Variants in SMG9 observed in about 807,000 individuals in gnomAD.
SMG9 encodes SMG9 nonsense mediated mRNA decay factor, also known as nonsense-mediated mRNA decay factor SMG9.
In SMG9, 55 loss-of-function variants were observed where a neutral mutation model predicts 64.0. That is an observed-to-expected ratio of 0.86 (90% CI 0.69 to 1.08). SMG9 has a LOEUF of 1.08. Ranked by LOEUF, SMG9 falls within the 50% of genes least tolerant of loss-of-function variation. The probability of loss-of-function intolerance (pLI) is 0.00; values close to 1 mark genes in which losing one functional copy is unlikely to be tolerated. For missense variants in SMG9, 554 were observed against 681.3 expected, an observed-to-expected ratio of 0.81 and a Z score of 2.08; for synonymous variants, 244 against 254.8, an observed-to-expected ratio of 0.96 and a Z score of 0.41.
At chr19:43,753,958 C>T (rs1233259984) in intron 1 of SMG9, among the ~76,000 whole-genome samples, 2 of 151,204 alleles carry the variant, frequency 1.3e-5, no homozygotes, top group Non-Finnish European at 2.9e-5. Flanking sequence ...AAGCTGGGGA[C>T]TTCCAATGCT....
At chr19:43,747,927 G>C in intron 3 of SMG9, 30 bp from the exon 4 acceptor site, 3 of 1,614,068 alleles carry the variant, frequency 1.9e-6, no homozygotes, top group Non-Finnish European at 2.5e-6. Flanking sequence ...CCCATCAATG[G>C]GGGCAATCCC....
chr19:43,733,709 C>A lies in SMG9; in HGVS notation c.1127G>T (p.Arg376Leu), dbSNP rs778518965. Residue 376 changes from arginine to leucine, a missense_variant, in exon 11 of 14, where the codon CGA (arginine) becomes CTA (leucine). Coordinates refer to ENST00000270066, the MANE Select transcript of SMG9 (RefSeq NM_019108.4). ...CAGCTTCCGAGGACAGAAGTCCTCT[C>A]GGCGAGCTTTGTTCTGCAAGAAGAC... The part of the protein sequence containing the change: ...HLVFLQNKAR[R>L]EDFCPRKLRQ... 45 of 1,614,010 alleles carry A rather than the reference C, an allele frequency of 2.8e-5. 1 individual carries two copies. In the South Asian group the frequency reaches 4.0e-4, roughly 14 times the overall value.
chr19:43,752,931 CA>C (rs1555721913), intron 1 of SMG9, among the ~76,000 whole-genome samples: 1 of 123,120 alleles, frequency 8.1e-6, no homozygotes, highest in East Asian at 2.5e-4. Context: ...AACCCTGTCT[CA>C]AAAAAACAGT....
intron 6 of SMG9, among the ~76,000 whole-genome samples, chr19:43,741,351 T>A (rs1968841061): frequency 6.6e-6 from 1 of 152,036 alleles, no homozygotes; most frequent in African/African-American, 2.4e-5. Flanking sequence ...GGTGGCTTGT[T>A]GTACTAGGAC....
At chr19:43,736,238 A>G (rs1157279143) in intron 9 of SMG9, among the ~76,000 whole-genome samples, 1 of 152,238 alleles carries the variant, frequency 6.6e-6, no homozygotes, top group Non-Finnish European at 1.5e-5. Context: ...GAATCTACAC[A>G]ACATAATGCT....
rs911395626 is a variant in SMG9 at position 43,730,488 on chromosome 19, G to A, written c.*1108C>T. The A allele has an allele frequency of 6.6e-6, 1 of 152,120 alleles. No individual in the cohort carries two copies. The highest frequency in any genetic ancestry group is 2.4e-5 in the African/African-American group (1 of 41,430). The allele number at this position is 152,120 out of a possible 1,614,324, so 9.4% of individuals were successfully genotyped here. On this transcript the variant is annotated 3_prime_UTR_variant, in exon 14 of 14. Coordinates refer to ENST00000270066, the MANE Select transcript of SMG9 (RefSeq NM_019108.4). ...AACAGAAGGCACTGTCTGTACGGGT[G>A]AGGCATGGTATTTGGATTAAGGGTA...
chr19:43,752,466 AG>A (rs1318506539), intron 1 of SMG9, among the ~76,000 whole-genome samples: 9 of 152,398 alleles, frequency 5.9e-5, no homozygotes, highest in African/African-American at 1.9e-4. Flanking sequence ...TTTTGTAAAT[AG>A]AAAGTTTTAT....
rs992807011 is a variant in SMG9, at chr19:43,735,703, T to G, written c.996-1208A>C. Among the ~76,000 whole-genome samples, 67 of 151,834 alleles carry G rather than the reference T, an allele frequency of 4.4e-4. 2 individuals are homozygous for G. Among genetic ancestry groups the G allele is most frequent in the Non-Finnish European group, 1.5e-5 (1 of 67,994 alleles). ...TTTTAAAATAATTTTTTACAATAGG[T>G]TAAGAGTACATAAACCTGTTTTCTA... On this transcript the variant is annotated intron_variant, in intron 9 of 13. Coordinates refer to ENST00000270066, the MANE Select transcript of SMG9 (RefSeq NM_019108.4).
chr19:43,731,114 G>A lies in SMG9; in HGVS notation c.*482C>T, dbSNP rs1968467962. 3 of 986,866 alleles carry A rather than the reference G, an allele frequency of 3.0e-6. No individual in the cohort carries two copies. The highest frequency in any genetic ancestry group is 3.6e-6 in the Non-Finnish European group (3 of 830,964). 61.1% of individuals were successfully genotyped at this position (986,866 alleles called of 1,614,324 possible). ...CCAATTTGTCCTGCTTCCCAGAGCTGCATGGTGGGTAGAGGAGTAAGTGGA... is the reference window on the plus strand; with the variant it reads ...CCAATTTGTCCTGCTTCCCAGAGCTACATGGTGGGTAGAGGAGTAAGTGGA... On this transcript the variant is annotated 3_prime_UTR_variant, in exon 14 of 14. Coordinates refer to ENST00000270066, the MANE Select transcript of SMG9 (RefSeq NM_019108.4).
intron 6 of SMG9, among the ~76,000 whole-genome samples, chr19:43,743,444 C>T (rs986984667): frequency 2.6e-5 from 4 of 152,200 alleles, no homozygotes; most frequent in African/African-American, 9.6e-5. Context: ...ACTCTGAGAT[C>T]TGGTGCAAAC....
intron 2 of SMG9, chr19:43,748,740 T>C (rs1286147231): frequency 1.9e-6 from 1 of 520,182 alleles, no homozygotes; most frequent in African/African-American, 1.9e-5. Flanking sequence ...TCTGGTTCCT[T>C]GAGTAACCTC....
At chr19:43,752,005 G>C (rs1344698656) in intron 1 of SMG9, among the ~76,000 whole-genome samples, 1 of 152,136 alleles carries the variant, frequency 6.6e-6, no homozygotes, top group Non-Finnish European at 1.5e-5. Flanking sequence ...TTACAAACCA[G>C]CAATGTGATC....
intron 1 of SMG9, 136 bp downstream of exon 1, chr19:43,754,518 C>T (rs1969291929): frequency 6.6e-6 from 1 of 152,210 alleles, no homozygotes; most frequent in Non-Finnish European, 1.5e-5. Context: ...TTGACGGTCG[C>T]CGGCCCCCTA....
rs1968408382 is a variant in SMG9, at chr19:43,729,619, C to G, written c.*1977G>C. ...CTTTCTCTGGCCGTTGCCCCCACCACCTTTCCTACTCTGGCAAACCCCCAA... is the reference window on the plus strand; with the variant it reads ...CTTTCTCTGGCCGTTGCCCCCACCAGCTTTCCTACTCTGGCAAACCCCCAA... On this transcript the variant is annotated 3_prime_UTR_variant, in exon 14 of 14. Transcript: ENST00000270066. The G allele has an allele frequency of 6.6e-6, 1 of 152,468 alleles. No individual in the cohort carries two copies. The highest frequency in any genetic ancestry group is 2.4e-5 in the African/African-American group (1 of 41,436). The allele number at this position is 152,468 out of a possible 1,614,324, so 9.4% of individuals were successfully genotyped here.
At chr19:43,737,039 C>T (rs1056372300) in intron 9 of SMG9, among the ~76,000 whole-genome samples, 6 of 152,104 alleles carry the variant, frequency 3.9e-5, no homozygotes, top group Non-Finnish European at 7.4e-5. Flanking sequence ...TTTAGGTGGC[C>T]GAGGCAGGTG....
intron 6 of SMG9, among the ~76,000 whole-genome samples, chr19:43,741,960 C>A (rs1451304411): frequency 6.6e-6 from 1 of 151,780 alleles, no homozygotes; most frequent in Non-Finnish European, 1.5e-5. Context: ...CCAGCTTGGC[C>A]AACATGGTGA....
chr19:43,750,849 T>C (rs779311071), intron 1 of SMG9, 102 bp from the exon 2 acceptor site: 21 of 1,125,458 alleles, frequency 1.9e-5, no homozygotes, highest in Non-Finnish European at 2.6e-5. Context: ...TTTTTGGAGA[T>C]GGAGTCTCTC....
At chr19:43,752,916 A>T (rs867884266) in intron 1 of SMG9, among the ~76,000 whole-genome samples, 2 of 148,758 alleles carry the variant, frequency 1.3e-5, no homozygotes, top group Non-Finnish European at 3.0e-5. Flanking sequence ...AAAAAAAAAA[A>T]GCAGAACCCT....
intron 9 of SMG9, among the ~76,000 whole-genome samples, chr19:43,736,702 GC>G (rs1363706987): frequency 2.6e-5 from 4 of 152,202 alleles, no homozygotes; most frequent in African/African-American, 9.6e-5. Flanking sequence ...TGGGGACCTT[GC>G]CCTCCTAGGG....
Sources: gnomAD v4.1 joint callset for allele counts (sites outside exome capture counted in the v4.1 genomes callset) on GRCh38, gnomAD v4.1.1 for gene constraint, MANE v1.5 for transcripts, NCBI Gene and HGNC (gene_info 2026-07-23, HGNC 2026-07-21) for gene names.